NCKAP5: variants seen among roughly 807,000 people sequenced by gnomAD.
The protein encoded by NCKAP5 is nck-associated protein 5.
NCKAP5 carries 92 observed loss-of-function variants against 167.0 expected under a neutral mutation model. That is an observed-to-expected ratio of 0.55 (90% confidence interval 0.47 to 0.66). The LOEUF is 0.66. NCKAP5 is among the 30% of genes least tolerant of loss of function. The pLI, the probability that NCKAP5 is intolerant of heterozygous loss-of-function variation, is 0.00. For missense variants in NCKAP5, 2,378 were observed against 2,315.0 expected (o/e 1.03, Z -0.56); for synonymous variants, 891 against 877.4 (o/e 1.02, Z -0.27).
chr2:132,728,663 GA>G (rs1558978258), intron 18 of NCKAP5, among the ~76,000 whole-genome samples, 152 bp downstream of exon 18: 2 of 152,172 alleles, frequency 1.3e-5, no homozygotes, highest in African/African-American at 4.8e-5. Context: ...TAAGGCAGGG[GA>G]AAGGGTGAAC....
chr2:133,313,816 T>C (rs1464159320), intron 3 of NCKAP5, among the ~76,000 whole-genome samples: 2 of 152,196 alleles, frequency 1.3e-5, no homozygotes, highest in African/African-American at 4.8e-5. Flanking sequence ...ACCTCTATTT[T>C]TCATTTGATG....
chr2:132,862,475 C>T (rs1444202096), intron 10 of NCKAP5, among the ~76,000 whole-genome samples: 1 of 152,154 alleles, frequency 6.6e-6, no homozygotes, highest in African/African-American at 2.4e-5. Context: ...AGGGCAGGAT[C>T]ACGAGTGCAC....
At chr2:133,186,997 C>G (rs138284429) in intron 5 of NCKAP5, among the ~76,000 whole-genome samples, 236 of 152,002 alleles carry the variant, frequency 1.6e-3, no homozygotes, top group Non-Finnish European at 2.8e-3. Context: ...CCTCTGCAAG[C>G]TTCGGGTTTG....
intron 6 of NCKAP5, among the ~76,000 whole-genome samples, chr2:133,005,037 T>C (rs2077916337): frequency 6.6e-6 from 1 of 152,204 alleles, no homozygotes; most frequent in Admixed American, 6.5e-5. Flanking sequence ...ATCACTGTTA[T>C]CCTGTTCTTT....
At chr2:133,265,568 G>A (rs1233414439) in intron 4 of NCKAP5, among the ~76,000 whole-genome samples, 2 of 152,222 alleles carry the variant, frequency 1.3e-5, no homozygotes, top group African/African-American at 4.8e-5. Flanking sequence ...TTTAGGCACA[G>A]GCAGTTGCCA....
chr2:132,725,890 C>A, intron 18 of NCKAP5, 131 bp from the exon 19 acceptor site: 1 of 969,214 alleles, frequency 1.0e-6, no homozygotes. Context: ...CACTGCCCAG[C>A]CCGCCGCTCA....
At chr2:133,161,884 C>T (rs986552000) in intron 5 of NCKAP5, among the ~76,000 whole-genome samples, 1 of 152,190 alleles carries the variant, frequency 6.6e-6, no homozygotes, top group African/African-American at 2.4e-5. Context: ...TATATAGGAT[C>T]TTCTTCCATA....
At position 133,203,014 on chromosome 2, in the gene NCKAP5, A is replaced by G. The variant is rs55746547; in HGVS notation, c.207+10702T>C. On this transcript the variant is annotated intron_variant, in intron 5 of 19. Coordinates refer to ENST00000409261, the MANE Select transcript of NCKAP5 (RefSeq NM_207363.3). ...TCAAGGATCTAGAACTAGAAACACC[A>G]TTTGACCCAGCCATCCCATTTCTGG... Among the ~76,000 whole-genome samples the G allele has an allele frequency of 5.1e-3, 782 of 152,172 alleles. 6 individuals carry two copies. The highest frequency in any genetic ancestry group is 0.018 in the African/African-American group (733 of 41,446).
chr2:133,028,491 T>C (rs1352607314), intron 6 of NCKAP5, among the ~76,000 whole-genome samples: 2 of 152,294 alleles, frequency 1.3e-5, no homozygotes, highest in Middle Eastern at 3.4e-3. Context: ...GTAATTTATA[T>C]CCATACAATA....
At chr2:132,993,673 G>T (rs1559029506) in intron 7 of NCKAP5, among the ~76,000 whole-genome samples, 1 of 152,216 alleles carries the variant, frequency 6.6e-6, no homozygotes, top group East Asian at 1.9e-4. Flanking sequence ...CTGCTGTGAA[G>T]ATTCACACCA....
intron 6 of NCKAP5, chr2:133,122,367 T>C (rs72617003): frequency 2.0e-5 from 3 of 152,200 alleles, no homozygotes; most frequent in Non-Finnish European, 2.9e-5. Context: ...GAAGTTATAA[T>C]ATGTTATTAA....
chr2:133,208,348 A>T (rs1186632177), intron 5 of NCKAP5, among the ~76,000 whole-genome samples: 1 of 152,192 alleles, frequency 6.6e-6, no homozygotes, highest in South Asian at 2.1e-4. Flanking sequence ...AAAACAAAAA[A>T]ACAGTGACAA....
intron 19 of NCKAP5, among the ~76,000 whole-genome samples, chr2:132,687,365 A>T (rs980035330): frequency 1.6e-4 from 25 of 152,140 alleles, no homozygotes; most frequent in African/African-American, 6.0e-4. Context: ...GGCACCAGCT[A>T]CCAGAGGGAG....
At chr2:133,385,569 G>A (rs1452997519) in intron 3 of NCKAP5, among the ~76,000 whole-genome samples, 1 of 152,202 alleles carries the variant, frequency 6.6e-6, no homozygotes, top group African/African-American at 2.4e-5. Flanking sequence ...CATAAAATGA[G>A]TTAGGGAGGA....
intron 8 of NCKAP5, among the ~76,000 whole-genome samples, chr2:132,910,045 G>A (rs932247979): frequency 3.9e-5 from 6 of 152,302 alleles, no homozygotes; most frequent in East Asian, 1.9e-4. Flanking sequence ...TAGTGAAAAC[G>A]TGGAGTCAGT....
At chr2:133,039,885 C>T (rs115474152) in intron 6 of NCKAP5, among the ~76,000 whole-genome samples, 90 of 152,254 alleles carry the variant, frequency 5.9e-4, no homozygotes, top group African/African-American at 2.0e-3. Flanking sequence ...CTATGCATAA[C>T]AGGGCAGTAT....
At chr2:132,694,326 G>A (rs149509620) in intron 19 of NCKAP5, among the ~76,000 whole-genome samples, 277 of 152,210 alleles carry the variant, frequency 1.8e-3, no homozygotes, top group Middle Eastern at 3.4e-3. Context: ...GCGATGAAAC[G>A]CAGCATTTCA....
At chr2:132,979,990 C>CTTTTTTTTTTTTTTTTTTT (rs1179720276) in intron 7 of NCKAP5, among the ~76,000 whole-genome samples, 1 of 145,604 alleles carries the variant, frequency 6.9e-6, no homozygotes, top group African/African-American at 2.7e-5. Context: ...TTTTCTTTTT[C>CTTTTTTTTTTTTTTTTTTT]TTTTTCTTTT....
chr2:133,251,087 AC>A (rs764879135), intron 4 of NCKAP5, among the ~76,000 whole-genome samples: 12 of 151,938 alleles, frequency 7.9e-5, no homozygotes, highest in Admixed American at 5.2e-4. Flanking sequence ...AAAAAAAAAA[AC>A]CCAGCATAAC....
Sources: allele counts gnomAD v4.1 joint callset (sites outside exome capture counted in the v4.1 genomes callset), GRCh38; gene constraint gnomAD v4.1.1; transcripts MANE v1.5; gene names NCBI Gene and HGNC (gene_info 2026-07-23, HGNC 2026-07-21).